The following BARD1 variants were observed in gnomAD, a reference collection of about 807,000 sequenced individuals.
The protein encoded by BARD1 is BRCA1-associated RING domain protein 1.
In BARD1, 73 loss-of-function variants were observed where a neutral mutation model predicts 77.0. The observed-to-expected ratio is 0.95, with a 90% confidence interval of 0.79 to 1.15. The LOEUF is 1.15. Ranked by LOEUF, BARD1 falls within the 50% of genes most tolerant of loss-of-function variation. The pLI is 0.00. For missense variants in BARD1, 993 were observed against 938.8 expected (o/e 1.06, Z -0.75); for synonymous variants, 384 against 338.0 (o/e 1.14, Z -1.49).
At chr2:214,734,045 A>G (rs546187470) in intron 9 of BARD1, among the ~76,000 whole-genome samples, 194 of 152,318 alleles carry the variant, frequency 1.3e-3, no homozygotes, top group African/African-American at 4.5e-3. Context: ...CTTGCCAGAA[A>G]GATAATAAAA....
intron 5 of BARD1, among the ~76,000 whole-genome samples, chr2:214,768,476 C>CA (rs1382547780): frequency 6.6e-6 from 1 of 152,150 alleles, no homozygotes; most frequent in Non-Finnish European, 1.5e-5. Context: ...AAAGGTTAGC[C>CA]AGCCAGTAGA....
intron 1 of BARD1, 140 bp downstream of exon 1, chr2:214,809,272 C>G (rs1409914254): frequency 8.4e-7 from 1 of 1,187,158 alleles, no homozygotes; most frequent in Non-Finnish European, 1.2e-6. Flanking sequence ...CTATATCCCC[C>G]GGCAGGTGCT....
chr2:214,804,446 C>T (rs1417143017), intron 1 of BARD1, among the ~76,000 whole-genome samples: 1 of 152,172 alleles, frequency 6.6e-6, no homozygotes, highest in Non-Finnish European at 1.5e-5. Context: ...ACAGACATCA[C>T]TCAAAATATT....
chr2:214,741,920 C>T (rs1030357972), intron 9 of BARD1, among the ~76,000 whole-genome samples: 1 of 118,682 alleles, frequency 8.4e-6, no homozygotes, highest in Non-Finnish European at 1.9e-5. Flanking sequence ...GGATCCAAAT[C>T]TTTTGTATAA....
At chr2:214,749,410 A>G (rs1693295898) in intron 7 of BARD1, among the ~76,000 whole-genome samples, 1 of 152,178 alleles carries the variant, frequency 6.6e-6, no homozygotes, top group Non-Finnish European at 1.5e-5. Context: ...TTCCTTAGCC[A>G]AGTACCAACC....
chr2:214,764,527 G>C (rs983368736), intron 6 of BARD1, among the ~76,000 whole-genome samples: 3 of 152,246 alleles, frequency 2.0e-5, no homozygotes, highest in African/African-American at 7.2e-5. Context: ...ATTCAGAAAA[G>C]CTGGTGCAAA....
At chr2:214,774,264 T>C (rs948459676) in intron 4 of BARD1, among the ~76,000 whole-genome samples, 1 of 152,180 alleles carries the variant, frequency 6.6e-6, no homozygotes, top group South Asian at 2.1e-4. Context: ...CATCCTCCCA[T>C]GAATCATCAA....
intron 3 of BARD1, among the ~76,000 whole-genome samples, chr2:214,784,414 T>C (rs1695177508): frequency 6.6e-6 from 1 of 152,098 alleles, no homozygotes; most frequent in Non-Finnish European, 1.5e-5. Flanking sequence ...TAGAAACACA[T>C]TTACACTGTT....
chr2:214,768,131 A>G (rs999900492), intron 5 of BARD1, among the ~76,000 whole-genome samples: 1 of 152,224 alleles, frequency 6.6e-6, no homozygotes, highest in Non-Finnish European at 1.5e-5. Flanking sequence ...GCTGTTATTG[A>G]TAAGAGAAAT....
Position 214,764,867 on chromosome 2 carries a change from A to C in BARD1, c.1568+2615T>G, listed in dbSNP as rs869312501. On this transcript the variant is annotated intron_variant, in intron 6 of 10. Coordinates refer to ENST00000260947, the MANE Select transcript of BARD1 (RefSeq NM_000465.4). Reference sequence around the variant, plus strand: ...TTTTAAGAGGCAAAAAACACAGGAAAAAAGTATGAAGACCAATAGTCTGGA... The same window carrying C: ...TTTTAAGAGGCAAAAAACACAGGAACAAAGTATGAAGACCAATAGTCTGGA... Among the ~76,000 whole-genome samples, 1 of 152,174 alleles carries C rather than the reference A, an allele frequency of 6.6e-6. No homozygotes were observed. The highest frequency in any genetic ancestry group is 1.5e-5 in the Non-Finnish European group (1 of 68,016).
At chr2:214,795,971 G>A (rs920992504) in intron 2 of BARD1, among the ~76,000 whole-genome samples, 6 of 152,028 alleles carry the variant, frequency 3.9e-5, no homozygotes, top group Non-Finnish European at 7.4e-5. Flanking sequence ...ACAAAATTGG[G>A]ACCCAAAACA....
At chr2:214,754,290 C>T (rs189617811) in intron 6 of BARD1, among the ~76,000 whole-genome samples, 2 of 151,366 alleles carry the variant, frequency 1.3e-5, no homozygotes, top group East Asian at 1.9e-4. Context: ...ACTGCATAGC[C>T]ATGATTGCAC....
chr2:214,754,813 C>G (rs965298261), intron 6 of BARD1, among the ~76,000 whole-genome samples: 5 of 152,166 alleles, frequency 3.3e-5, no homozygotes, highest in Non-Finnish European at 7.4e-5. Flanking sequence ...TGGCACATTA[C>G]AAGTGCTACA....
intron 9 of BARD1, among the ~76,000 whole-genome samples, chr2:214,733,880 G>A (rs890139936): frequency 3.3e-5 from 5 of 151,990 alleles, no homozygotes; most frequent in African/African-American, 2.4e-5. Flanking sequence ...TTCACATTAC[G>A]TAAACTTCTG....
At position 214,725,706 on chromosome 2, in the gene BARD1, C is replaced by A. The variant is rs1692056186; in HGVS notation, c.*2970G>T. ...TGTGCGTATCTTTGAAAAGGGTTGA[C>A]TTATAAAGAAATACATGAAGTTTAC... On this transcript the variant is annotated 3_prime_UTR_variant, in exon 11 of 11. Transcript: ENST00000260947. The A allele has an allele frequency of 4.5e-6, 1 of 221,492 alleles. No individual in the cohort carries two copies. Among genetic ancestry groups the A allele is most frequent in the East Asian group, 6.6e-5 (1 of 15,144 alleles). 13.7% of individuals were successfully genotyped at this position (221,492 alleles called of 1,614,324 possible). A position where few individuals can be genotyped will look rare whatever the true frequency, so the allele number is the denominator to read the frequency against.
chr2:214,764,922 T>C (rs955370566), intron 6 of BARD1, among the ~76,000 whole-genome samples: 1 of 151,288 alleles, frequency 6.6e-6, no homozygotes, highest in Admixed American at 6.6e-5. Flanking sequence ...GCCACCATAC[T>C]CTTGTACCCT....
At chr2:214,736,097 A>G (rs927467870) in intron 9 of BARD1, among the ~76,000 whole-genome samples, 1 of 152,104 alleles carries the variant, frequency 6.6e-6, no homozygotes, top group Non-Finnish European at 1.5e-5. Flanking sequence ...GTTTACATAT[A>G]ATAAAAATTA....
In BARD1 at chr2:214,780,616, T is replaced by C. The variant is rs1694942545; in HGVS notation, c.1258A>G (p.Met420Val). The C allele has an allele frequency of 1.2e-6, 2 of 1,614,078 alleles. No individual in the cohort carries two copies. The highest frequency in any genetic ancestry group is 1.7e-6 in the Non-Finnish European group (2 of 1,179,976). The change falls in exon 4 of 11, where the codon ATG (methionine) becomes GTG (valine). Residue 420 changes from methionine to valine, a missense_variant. By Grantham distance (21) the Met-to-Val change is conservative. Transcript: ENST00000260947. The part of the protein sequence containing the change: ...SPSAMKLLPN[M>V]AVKRNHRGET... ...CCTCTATGATTTCTTTTCACAGCCA[T>C]ATTGGGCAACAGCTTCATTGCTGAG...
rs1692746598 is a variant in BARD1, at chr2:214,740,029, C to T, written c.1903+5038G>A. Reference sequence around the variant, plus strand: ...ATATCAAAATATCAAAATAGTCTATCTCTTGTATTATGAATAATATCAAAA... The same window carrying T: ...ATATCAAAATATCAAAATAGTCTATTTCTTGTATTATGAATAATATCAAAA... On this transcript the variant is annotated intron_variant, in intron 9 of 10. Coordinates refer to ENST00000260947, the MANE Select transcript of BARD1 (RefSeq NM_000465.4). Among the ~76,000 whole-genome samples, 3 of 151,960 alleles carry T rather than the reference C, an allele frequency of 2.0e-5. No homozygotes were observed. The South Asian group carries it at 6.2e-4, about 31-fold the overall frequency.
Sources: gnomAD v4.1 joint callset for allele counts (sites outside exome capture counted in the v4.1 genomes callset) on GRCh38, gnomAD v4.1.1 for gene constraint, MANE v1.5 for transcripts, NCBI Gene and HGNC (gene_info 2026-07-23, HGNC 2026-07-21) for gene names.